The following RABGAP1 variants were observed in gnomAD, a reference collection of about 807,000 sequenced individuals.
The protein encoded by RABGAP1 is RAB GTPase activating protein 1.
RABGAP1 carries 23 observed loss-of-function variants against 137.6 expected under a neutral mutation model. That is an observed-to-expected ratio of 0.17 (90% CI 0.12 to 0.24). The LOEUF is 0.24. Ranked by LOEUF, RABGAP1 falls within the 10% of genes least tolerant of loss-of-function variation. The pLI, the probability that RABGAP1 is intolerant of heterozygous loss-of-function variation, is 1.00. For missense variants in RABGAP1, 906 were observed against 1,275.8 expected (o/e 0.71, Z 4.42); for synonymous variants, 451 against 450.7 (o/e 1.00, Z -0.01).
At chr9:122,995,999 A>C (rs755178004) in intron 6 of RABGAP1, 42 bp from the exon 7 acceptor site, 1 of 1,550,138 alleles carries the variant, frequency 6.5e-7, no homozygotes, top group South Asian at 1.2e-5. Context: ...GTATGTGACA[A>C]GAAAATGCTT....
At chr9:123,037,660 C>A (rs1309834993) in intron 13 of RABGAP1, among the ~76,000 whole-genome samples, 1 of 152,096 alleles carries the variant, frequency 6.6e-6, no homozygotes, top group African/African-American at 2.4e-5. Flanking sequence ...GAAAATATGG[C>A]AATTTTAAAC....
chr9:123,028,820 G>C (rs2032133889), intron 13 of RABGAP1, among the ~76,000 whole-genome samples: 2 of 152,150 alleles, frequency 1.3e-5, no homozygotes, highest in South Asian at 4.1e-4. Context: ...CATTGAAATT[G>C]GGCAATTTAA....
At position 122,995,939 on chromosome 9, in the gene RABGAP1, CA is replaced by C; in HGVS notation, c.924-101del. 2.7e-6 allele frequency: 4 copies of C among 1,467,524 alleles called. No homozygotes were observed. The South Asian group carries it at 6.1e-5, about 22-fold the overall frequency. 90.9% of individuals were successfully genotyped at this position (1,467,524 alleles called of 1,614,324 possible). Reference sequence around the variant, plus strand: ...TTTTTGTTATTATTTGCAAACTAGGCACAGAAAAGAATCAGAGATTTGAGGT... The same window carrying C: ...TTTTTGTTATTATTTGCAAACTAGGCCAGAAAAGAATCAGAGATTTGAGGT... On this transcript the variant is annotated intron_variant, in intron 6 of 25. Transcript: ENST00000373647.
chr9:123,051,886 G>A (rs2033494938), intron 13 of RABGAP1, among the ~76,000 whole-genome samples: 1 of 151,296 alleles, frequency 6.6e-6, no homozygotes, highest in South Asian at 2.1e-4. Flanking sequence ...CCGCCTCCTG[G>A]GTTCATGCCA....
intron 25 of RABGAP1, 47 bp downstream of exon 25, chr9:123,101,810 G>A (rs2132252641): frequency 2.0e-6 from 3 of 1,521,514 alleles, no homozygotes; most frequent in Middle Eastern, 1.9e-4. Context: ...TGGGTTTCCT[G>A]ATGTGCACTA....
At chr9:122,981,281 C>T (rs1178603256) in intron 2 of RABGAP1, among the ~76,000 whole-genome samples, 1 of 152,070 alleles carries the variant, frequency 6.6e-6, no homozygotes, top group Non-Finnish European at 1.5e-5. Flanking sequence ...CTGCCTTGGC[C>T]TCTCCAAGTG....
chr9:122,984,366 C>A, intron 2 of RABGAP1, 119 bp from the exon 3 acceptor site: 1 of 835,356 alleles, frequency 1.2e-6, no homozygotes, highest in Non-Finnish European at 1.9e-6. Context: ...AAAAAACATT[C>A]AGAAGATATC....
intron 10 of RABGAP1, among the ~76,000 whole-genome samples, chr9:123,009,037 T>C (rs1168968617): frequency 6.6e-6 from 1 of 152,192 alleles, no homozygotes. Context: ...AAGTAATCCT[T>C]GGGTGGACAT....
rs1165045192 is a variant in RABGAP1 at position 123,005,020 on chromosome 9, C to T, written c.1375-5334C>T. Among the ~76,000 whole-genome samples the T allele has an allele frequency of 9.8e-5, 13 of 132,932 alleles. No homozygotes were observed. In the East Asian group the frequency reaches 2.6e-3, roughly 27 times the overall value. 87.2% of individuals were successfully genotyped at this position (132,932 alleles called of 152,430 possible). A position where few individuals can be genotyped will look rare whatever the true frequency, so the allele number is the denominator to read the frequency against. ...GCAGTGAGCCGAGATCGCGCCATTG[C>T]ACTCCAGCCTGGGCAACAAGAGTGA... On this transcript the variant is annotated intron_variant, in intron 10 of 25. Coordinates refer to ENST00000373647, the MANE Select transcript of RABGAP1 (RefSeq NM_012197.4).
intron 1 of RABGAP1, among the ~76,000 whole-genome samples, chr9:122,949,341 C>T (rs553092489): frequency 1.8e-4 from 27 of 152,196 alleles, no homozygotes; most frequent in African/African-American, 3.1e-4. Context: ...GGCGAAACCC[C>T]GTCTGTGCTA....
upstream of RABGAP1, among the ~76,000 whole-genome samples, chr9:122,937,466 G>A (rs370527928): frequency 1.6e-4 from 25 of 152,140 alleles, no homozygotes; most frequent in African/African-American, 4.8e-4. Context: ...GCATGGTGGC[G>A]TACGCCTGTA....
chr9:122,966,161 A>G (rs1173484398), intron 2 of RABGAP1, among the ~76,000 whole-genome samples: 12 of 152,132 alleles, frequency 7.9e-5, no homozygotes, highest in African/African-American at 2.2e-4. Context: ...TGATAGTTGG[A>G]TATATGAGAC....
intron 13 of RABGAP1, among the ~76,000 whole-genome samples, chr9:123,023,773 A>G (rs533763013): frequency 5.3e-4 from 81 of 152,132 alleles, no homozygotes; most frequent in Non-Finnish European, 1.0e-3. Context: ...ATATTTGTGT[A>G]TATATATATA....
intron 19 of RABGAP1, among the ~76,000 whole-genome samples, chr9:123,085,320 A>G (rs1210232608): frequency 6.6e-6 from 1 of 152,170 alleles, no homozygotes; most frequent in Non-Finnish European, 1.5e-5. Context: ...GGAGAGGGGA[A>G]GTTGGCTTCT....
chr9:122,989,524 C>A, intron 5 of RABGAP1, 53 bp downstream of exon 5: 1 of 1,533,412 alleles, frequency 6.5e-7, no homozygotes, highest in Non-Finnish European at 9.0e-7. Context: ...AGTGCCCTCA[C>A]TAGGTTGAAA....
intron 13 of RABGAP1, among the ~76,000 whole-genome samples, chr9:123,047,460 T>C (rs2033255293): frequency 1.3e-5 from 2 of 152,198 alleles, no homozygotes; most frequent in Admixed American, 6.5e-5. Context: ...TTTAAGGCAT[T>C]ACTACATAGA....
Position 123,076,727 on chromosome 9 carries a change from G to A in RABGAP1, c.2389G>A (p.Ala797Thr), listed in dbSNP as rs1418601617. 2 of 1,600,628 alleles carry A rather than the reference G, an allele frequency of 1.2e-6. No individual in the cohort carries two copies. The highest frequency in any genetic ancestry group is 1.7e-6 in the Non-Finnish European group (2 of 1,173,494). ...TAAGAGATACCGCTCAGAAGAAAAT[G>A]CAAAAAAACTAATGGAATTAGCCTG... ...LPKRYRSEEN[A>T]KKLMELACNM... The change falls in exon 19 of 26, where the codon GCA (alanine) becomes ACA (threonine). Residue 797 changes from alanine to threonine, a missense_variant. By Grantham distance (58) the Ala-to-Thr change is moderately conservative (BLOSUM62 0). This residue lies in a region of RABGAP1 where 77 missense variants were observed against 105.6 expected (regional missense o/e 0.73). Transcript: ENST00000373647.
chr9:123,029,442 C>T lies in RABGAP1; in HGVS notation c.1794+8983C>T, dbSNP rs370021140. 125 of 1,553,978 alleles carry T rather than the reference C, an allele frequency of 8.0e-5. No individual in the cohort carries two copies. The African/African-American group carries it at 1.5e-3, about 19-fold the overall frequency. ...GTATTTCTGGTGTAAATTACTTGAGCTCTGTGCTTTGAAACCAGTTTGATA... is the reference window on the plus strand; with the variant it reads ...GTATTTCTGGTGTAAATTACTTGAGTTCTGTGCTTTGAAACCAGTTTGATA... On this transcript the variant is annotated intron_variant, in intron 13 of 25. Coordinates refer to ENST00000373647, the MANE Select transcript of RABGAP1 (RefSeq NM_012197.4).
Position 122,957,218 on chromosome 9 carries a change from C to T in RABGAP1, c.150+9C>T. 3 of 1,502,892 alleles carry T rather than the reference C, an allele frequency of 2.0e-6. No individual in the cohort carries two copies. The highest frequency in any genetic ancestry group is 2.7e-6 in the Non-Finnish European group (3 of 1,105,476). 93.1% of individuals were successfully genotyped at this position (1,502,892 alleles called of 1,614,324 possible). A position where few individuals can be genotyped will look rare whatever the true frequency, so the allele number is the denominator to read the frequency against. ...AGAAAACAGGACTCAAGGTAAAACT[C>T]CCTAACCTAAGATTGTTTTGCTTAG... On this transcript the variant is annotated intron_variant, in intron 2 of 25. Transcript: ENST00000373647.
Sources: allele counts gnomAD v4.1 joint callset (sites outside exome capture counted in the v4.1 genomes callset), GRCh38; gene constraint gnomAD v4.1.1; regional missense constraint gnomAD v4.1.1; transcripts MANE v1.5; gene names NCBI Gene and HGNC (gene_info 2026-07-23, HGNC 2026-07-21).